The following SPHKAP variants were observed in gnomAD, a reference collection of about 807,000 sequenced individuals.
The protein encoded by SPHKAP is A-kinase anchor protein SPHKAP.
A neutral mutation model predicts 137.5 loss-of-function variants in SPHKAP; 67 were observed. That is an observed-to-expected ratio of 0.49 (90% CI 0.40 to 0.60). The LOEUF is 0.60. Ranked by LOEUF, SPHKAP falls within the 20% of genes least tolerant of loss-of-function variation. The pLI, the probability that SPHKAP is intolerant of heterozygous loss-of-function variation, is 0.00. For missense variants in SPHKAP, 2,097 were observed against 2,069.3 expected (o/e 1.01, Z -0.26); for synonymous variants, 813 against 785.3 (o/e 1.04, Z -0.59).
intron 3 of SPHKAP, among the ~76,000 whole-genome samples, chr2:228,052,572 C>A (rs1447753010): frequency 1.3e-5 from 2 of 152,038 alleles, no homozygotes; most frequent in Non-Finnish European, 2.9e-5. Context: ...TTTTTGCAAC[C>A]TGGAAGTCTA....
chr2:228,106,237 T>C (rs1227486128), intron 3 of SPHKAP, among the ~76,000 whole-genome samples: 1 of 152,192 alleles, frequency 6.6e-6, no homozygotes, highest in East Asian at 1.9e-4. Context: ...CTTTGCTACC[T>C]CTAACATACT....
intron 1 of SPHKAP, among the ~76,000 whole-genome samples, chr2:228,140,550 C>A (rs1207077429): frequency 6.6e-6 from 1 of 152,068 alleles, no homozygotes; most frequent in Non-Finnish European, 1.5e-5. Flanking sequence ...TTTCATTATA[C>A]CCGTTTTATA....
intron 1 of SPHKAP, among the ~76,000 whole-genome samples, chr2:228,165,827 C>T (rs1176662263): frequency 6.6e-6 from 1 of 152,208 alleles, no homozygotes; most frequent in Admixed American, 6.5e-5. Flanking sequence ...TCTCACCCCA[C>T]CTACCTTGAA....
chr2:227,995,174 C>G (rs1437866929), intron 8 of SPHKAP, among the ~76,000 whole-genome samples: 1 of 152,182 alleles, frequency 6.6e-6, no homozygotes, highest in East Asian at 1.9e-4. Flanking sequence ...ACAAATGAAC[C>G]AGAGACAGAG....
At chr2:228,100,429 A>C (rs1698152621) in intron 3 of SPHKAP, among the ~76,000 whole-genome samples, 1 of 152,126 alleles carries the variant, frequency 6.6e-6, no homozygotes, top group Non-Finnish European at 1.5e-5. Context: ...CCAGTTCTTA[A>C]GGGGAATGCT....
intron 4 of SPHKAP, chr2:228,025,955 G>A (rs952748440): frequency 1.6e-5 from 12 of 759,966 alleles, no homozygotes; most frequent in Admixed American, 6.3e-5. Context: ...TAATTGCCAC[G>A]TGTTGTGGGA....
At chr2:228,131,950 C>G (rs1280743861) in intron 2 of SPHKAP, 30 bp downstream of exon 2, 1 of 1,603,922 alleles carries the variant, frequency 6.2e-7, no homozygotes, top group Non-Finnish European at 8.5e-7. Context: ...GTTCAACTGA[C>G]AAGAAGAAAG....
chr2:228,049,487 A>G (rs949150460), intron 3 of SPHKAP, among the ~76,000 whole-genome samples: 1 of 152,172 alleles, frequency 6.6e-6, no homozygotes, highest in East Asian at 1.9e-4. Context: ...AGCACTTCAA[A>G]TTATTTATGT....
chr2:228,179,526 T>C (rs1700839038), intron 1 of SPHKAP, among the ~76,000 whole-genome samples: 1 of 152,192 alleles, frequency 6.6e-6, no homozygotes, highest in South Asian at 2.1e-4. Context: ...TTAATTTACA[T>C]GATTAAGAAT....
intron 3 of SPHKAP, among the ~76,000 whole-genome samples, chr2:228,106,808 C>A (rs547885181): frequency 6.6e-6 from 1 of 152,160 alleles, no homozygotes; most frequent in East Asian, 1.9e-4. Context: ...ATGTGCCAAG[C>A]CAGAAAGACA....
intron 3 of SPHKAP, among the ~76,000 whole-genome samples, chr2:228,038,044 G>A (rs965025809): frequency 6.6e-6 from 1 of 152,212 alleles, no homozygotes; most frequent in Non-Finnish European, 1.5e-5. Context: ...AGGAGGCTTT[G>A]ATGAGGAGAC....
chr2:228,037,491 C>G (rs1051931919), intron 3 of SPHKAP, among the ~76,000 whole-genome samples: 1 of 152,180 alleles, frequency 6.6e-6, no homozygotes, highest in Non-Finnish European at 1.5e-5. Context: ...TGAGTTACCA[C>G]TCTTGATGGT....
At chr2:227,982,874 C>T (rs368660484) in intron 11 of SPHKAP, among the ~76,000 whole-genome samples, 15 of 151,904 alleles carry the variant, frequency 9.9e-5, no homozygotes, top group Admixed American at 2.0e-4. Flanking sequence ...ATTTGCTGAA[C>T]GACAGAAGGG....
chr2:228,016,398 T>G lies in SPHKAP; in HGVS notation c.4448+8A>C. 1 of 1,570,176 alleles carries G rather than the reference T, an allele frequency of 6.4e-7. No homozygotes were observed. Among genetic ancestry groups the G allele is most frequent in the Non-Finnish European group, 8.6e-7 (1 of 1,162,852 alleles). On this transcript the variant is annotated splice_region_variant and intron_variant, in intron 7 of 11. Transcript: ENST00000392056. ...TGCACCCTATGTAGTCTGAGACGATTCACTCACCTATGGATTTGACAAGCG... is the reference window on the plus strand; with the variant it reads ...TGCACCCTATGTAGTCTGAGACGATGCACTCACCTATGGATTTGACAAGCG...
chr2:228,019,615 T>C lies in SPHKAP; in HGVS notation c.1239A>G (p.Thr413=), dbSNP rs61754502. 3 of 1,614,148 alleles carry C rather than the reference T, an allele frequency of 1.9e-6. No homozygotes were observed. The highest frequency in any genetic ancestry group is 2.5e-6 in the Non-Finnish European group (3 of 1,179,992). ...AFIRLSQSQS[T]LPQESAVSVS... is the part of the protein sequence containing the mutation. Reference sequence around the variant, plus strand: ...CACTGACTGCAGATTCCTGGGGTAATGTGGACTGAGATTGAGATAATCTAA... The same window carrying C: ...CACTGACTGCAGATTCCTGGGGTAACGTGGACTGAGATTGAGATAATCTAA... The change falls in exon 7 of 12, where the codon ACA becomes ACG. Residue 413 remains threonine (T), a synonymous_variant. Coordinates refer to ENST00000392056, the MANE Select transcript of SPHKAP (RefSeq NM_001142644.2).
At chr2:228,153,528 G>A (rs1700001113) in intron 1 of SPHKAP, among the ~76,000 whole-genome samples, 1 of 152,128 alleles carries the variant, frequency 6.6e-6, no homozygotes, top group African/African-American at 2.4e-5. Context: ...CATGTTGAAA[G>A]TATCACTTTA....
At chr2:228,107,848 T>A (rs1698391927) in intron 3 of SPHKAP, among the ~76,000 whole-genome samples, 1 of 152,196 alleles carries the variant, frequency 6.6e-6, no homozygotes, top group Admixed American at 6.5e-5. Context: ...GGACAAGGGA[T>A]CAAAAGTACG....
At chr2:228,164,805 C>T (rs1053388969) in intron 1 of SPHKAP, among the ~76,000 whole-genome samples, 2 of 152,190 alleles carry the variant, frequency 1.3e-5, no homozygotes, top group African/African-American at 2.4e-5. Context: ...GGTCTGGCTG[C>T]CAGAGCACTC....
At chr2:228,014,258 G>T (rs1184400347) in intron 7 of SPHKAP, among the ~76,000 whole-genome samples, 1 of 152,126 alleles carries the variant, frequency 6.6e-6, no homozygotes, top group African/African-American at 2.4e-5. Flanking sequence ...TGTTAAAGAA[G>T]ACTCCAAGTC....
Sources: gnomAD v4.1 joint callset for allele counts (sites outside exome capture counted in the v4.1 genomes callset) on GRCh38, gnomAD v4.1.1 for gene constraint, MANE v1.5 for transcripts, NCBI Gene and HGNC (gene_info 2026-07-23, HGNC 2026-07-21) for gene names.